Variants in STXBP5 observed in about 807,000 individuals in gnomAD.
STXBP5 encodes syntaxin binding protein 5.
Under a neutral mutation model 152.4 loss-of-function variants are expected in STXBP5, and 50 were observed. That is an observed-to-expected ratio of 0.33 (90% CI 0.26 to 0.42). The LOEUF is 0.42. Among genes scored for constraint, STXBP5 ranks in the 10% least tolerant of loss-of-function variants. The pLI is 1.00. For missense variants in STXBP5, 1,167 were observed against 1,388.6 expected (o/e 0.84, Z 2.54); for synonymous variants, 492 against 494.7 (o/e 0.99, Z 0.07).
At chr6:147,346,524 A>C (rs989415130) in intron 21 of STXBP5, among the ~76,000 whole-genome samples, 1 of 152,082 alleles carries the variant, frequency 6.6e-6, no homozygotes, top group Non-Finnish European at 1.5e-5. Context: ...GGATCACTTG[A>C]GGTCAAGAGT....
chr6:147,282,514 A>G (rs1242658037), intron 8 of STXBP5, among the ~76,000 whole-genome samples: 1 of 152,206 alleles, frequency 6.6e-6, no homozygotes, highest in Non-Finnish European at 1.5e-5. Flanking sequence ...TTTTTAAGCT[A>G]CAAAGTTTAG....
At chr6:147,365,012 A>G (rs1785231285) in intron 25 of STXBP5, among the ~76,000 whole-genome samples, 1 of 152,178 alleles carries the variant, frequency 6.6e-6, no homozygotes, top group Non-Finnish European at 1.5e-5. Context: ...ATCATCTTTA[A>G]AATTAGCATA....
intron 9 of STXBP5, among the ~76,000 whole-genome samples, chr6:147,304,382 G>T (rs754900688): frequency 6.6e-6 from 1 of 152,170 alleles, no homozygotes; most frequent in Non-Finnish European, 1.5e-5. Context: ...CGAGAATTGA[G>T]GTTTGGGAAC....
intron 8 of STXBP5, among the ~76,000 whole-genome samples, chr6:147,288,316 T>G (rs1260344401): frequency 6.6e-6 from 1 of 152,094 alleles, no homozygotes; most frequent in African/African-American, 2.4e-5. Flanking sequence ...GTAGCAAAAG[T>G]GGTTTTAACA....
intron 19 of STXBP5, among the ~76,000 whole-genome samples, chr6:147,335,772 G>A (rs1006901897): frequency 6.6e-6 from 1 of 152,056 alleles, no homozygotes; most frequent in East Asian, 1.9e-4. Flanking sequence ...CTGCACTCCA[G>A]CCTGGGCGAC....
chr6:147,373,188 G>T (rs972654661), intron 25 of STXBP5, among the ~76,000 whole-genome samples: 15 of 151,606 alleles, frequency 9.9e-5, no homozygotes, highest in African/African-American at 3.6e-4. Context: ...CCAACATGGC[G>T]CAAAACCTGT....
intron 4 of STXBP5, among the ~76,000 whole-genome samples, chr6:147,259,313 G>A (rs1444715981): frequency 1.3e-5 from 2 of 152,068 alleles, no homozygotes; most frequent in African/African-American, 4.8e-5. Context: ...AAAAATCTTA[G>A]GATGATAGCT....
chr6:147,211,408 G>A (rs1776847483), intron 2 of STXBP5, among the ~76,000 whole-genome samples: 1 of 151,866 alleles, frequency 6.6e-6, no homozygotes, highest in Admixed American at 6.6e-5. Flanking sequence ...CTCACATATG[G>A]TAAATGCTAA....
intron 4 of STXBP5, among the ~76,000 whole-genome samples, chr6:147,248,920 T>C (rs1344315408): frequency 6.6e-6 from 1 of 152,116 alleles, no homozygotes; most frequent in East Asian, 1.9e-4. Flanking sequence ...GGACAGGAGA[T>C]TGTTTCTTGC....
chr6:147,278,312 T>A, intron 8 of STXBP5, 108 bp downstream of exon 8: 1 of 1,097,116 alleles, frequency 9.1e-7, no homozygotes, highest in Non-Finnish European at 1.2e-6. Context: ...TAAGGATGGG[T>A]TTCCTTCTGT....
At chr6:147,366,544 G>T (rs907138241) in intron 25 of STXBP5, among the ~76,000 whole-genome samples, 2 of 152,150 alleles carry the variant, frequency 1.3e-5, no homozygotes, top group African/African-American at 4.8e-5. Flanking sequence ...GGAGCTGCTG[G>T]TATTCCTTGA....
At chr6:147,264,019 A>G (rs1317068590) in intron 6 of STXBP5, among the ~76,000 whole-genome samples, 1 of 151,600 alleles carries the variant, frequency 6.6e-6, no homozygotes, top group Non-Finnish European at 1.5e-5. Context: ...TCAATATACA[A>G]TTATATGGAT....
Position 147,384,816 on chromosome 6 carries a change from C to A in STXBP5, c.*61C>A. 1 of 1,516,176 alleles carries A rather than the reference C, an allele frequency of 6.6e-7. No homozygotes were observed. The highest frequency in any genetic ancestry group is 9.1e-7 in the Non-Finnish European group (1 of 1,101,190). 93.9% of individuals were successfully genotyped at this position (1,516,176 alleles called of 1,614,324 possible). ...GGAAAAAAGTTTTCCATTTTTATTA[C>A]ATTCTTTAGGAAAGTTAACGTTAAA... On this transcript the variant is annotated 3_prime_UTR_variant, in exon 28 of 28. Transcript: ENST00000321680.
chr6:147,315,887 C>G, intron 15 of STXBP5, 152 bp downstream of exon 15: 1 of 699,306 alleles, frequency 1.4e-6, no homozygotes, highest in Non-Finnish European at 2.4e-6. Flanking sequence ...TTGTAAAAAA[C>G]AGCATTTTTT....
chr6:147,339,096 T>A (rs902630311), intron 19 of STXBP5, 83 bp from the exon 20 acceptor site: 6 of 1,219,516 alleles, frequency 4.9e-6, no homozygotes, highest in Non-Finnish European at 6.8e-6. Context: ...TACCAGATTT[T>A]TTATTTGTAC....
At chr6:147,356,173 C>T (rs1784806568) in intron 22 of STXBP5, among the ~76,000 whole-genome samples, 1 of 152,024 alleles carries the variant, frequency 6.6e-6, no homozygotes, top group African/African-American at 2.4e-5. Flanking sequence ...TCAAACATTG[C>T]TCATTTGACC....
intron 23 of STXBP5, among the ~76,000 whole-genome samples, chr6:147,361,288 C>T (rs538356386): frequency 3.9e-5 from 6 of 152,018 alleles, no homozygotes; most frequent in South Asian, 2.1e-4. Context: ...AATGACTGAG[C>T]GGGATTAAAT....
At chr6:147,222,406 T>C (rs1051494809) in intron 2 of STXBP5, among the ~76,000 whole-genome samples, 1 of 152,180 alleles carries the variant, frequency 6.6e-6, no homozygotes, top group Admixed American at 6.5e-5. Flanking sequence ...GCTATAGTCC[T>C]GTCATTAGGT....
chr6:147,361,628 C>T (rs1785071878), intron 23 of STXBP5, among the ~76,000 whole-genome samples: 1 of 152,040 alleles, frequency 6.6e-6, no homozygotes, highest in Admixed American at 6.6e-5. Flanking sequence ...AACAGTTAAC[C>T]ACGAATCTAC....
Sources: gnomAD v4.1 joint callset for allele counts (sites outside exome capture counted in the v4.1 genomes callset) on GRCh38, gnomAD v4.1.1 for gene constraint, MANE v1.5 for transcripts, NCBI Gene and HGNC (gene_info 2026-07-23, HGNC 2026-07-21) for gene names.